Variants in SYNE2 observed in about 807,000 individuals in gnomAD.
The protein encoded by SYNE2 is spectrin repeat containing nuclear envelope protein 2.
SYNE2 carries 431 observed loss-of-function variants against 856.3 expected under a neutral mutation model. The observed-to-expected ratio is 0.50, with a 90% CI of 0.47 to 0.55. The LOEUF (loss-of-function observed/expected upper bound fraction) is 0.55. Ranked by LOEUF, SYNE2 falls within the 20% of genes least tolerant of loss-of-function variation. SYNE2 has a pLI of 0.00. For missense variants in SYNE2, 8,129 were observed against 8,023.2 expected, an observed-to-expected ratio of 1.01 and a Z score of -0.50; for synonymous variants, 2,923 against 2,872.3, an observed-to-expected ratio of 1.02 and a Z score of -0.56.
At position 64,215,282 on chromosome 14, in the gene SYNE2, T is replaced by C. The variant is rs779216420; in HGVS notation, c.19334-4T>C. The C allele has an allele frequency of 1.2e-6, 2 of 1,614,196 alleles. No homozygotes were observed. Among genetic ancestry groups the C allele is most frequent in the Non-Finnish European group, 1.7e-6 (2 of 1,180,020 alleles). On this transcript the variant is annotated splice_region_variant and splice_polypyrimidine_tract_variant and intron_variant, in intron 106 of 115. Coordinates refer to ENST00000555002, the MANE Select transcript of SYNE2 (RefSeq NM_182914.3). ...GTGAGGCAAATGACATTGTTCTTTT[T>C]CAGATGTAGAAATCCCTGAAAATCC...
intron 1 of SYNE2, among the ~76,000 whole-genome samples, chr14:63,835,825 A>G (rs1000441114): frequency 6.6e-6 from 1 of 152,034 alleles, no homozygotes; most frequent in Admixed American, 6.6e-5. Flanking sequence ...CTCTACTAAA[A>G]ATACGAAATT....
intron 2 of SYNE2, among the ~76,000 whole-genome samples, chr14:63,933,474 A>G (rs2095791749): frequency 6.6e-6 from 1 of 152,246 alleles, no homozygotes; most frequent in Non-Finnish European, 1.5e-5. Context: ...CTGAATCAGA[A>G]CAAACTCAGG....
At chr14:64,120,261 T>TAA (rs57343267) in intron 67 of SYNE2, among the ~76,000 whole-genome samples, 2 of 151,962 alleles carry the variant, frequency 1.3e-5, no homozygotes, top group African/African-American at 4.8e-5. Context: ...TCTCTCTTTT[T>TAA]AAAAAAAATG....
At chr14:64,067,676 G>A (rs74676724) in intron 51 of SYNE2, among the ~76,000 whole-genome samples, 6,199 of 152,174 alleles carry the variant, frequency 0.041, 441 homozygotes, top group African/African-American at 0.14. Context: ...ATGCCTGTTT[G>A]TAAGTTTACA....
At chr14:63,983,926 A>T (rs746038816) in intron 18 of SYNE2, 40 bp downstream of exon 18, 1 of 1,383,046 alleles carries the variant, frequency 7.2e-7, no homozygotes, top group Non-Finnish European at 1.0e-6. Context: ...TTGCAAATAG[A>T]AATAATTTAA....
chr14:63,980,458 T>C (rs2096577022), intron 14 of SYNE2, among the ~76,000 whole-genome samples, 196 bp from the exon 15 acceptor site: 1 of 152,216 alleles, frequency 6.6e-6, no homozygotes, highest in Non-Finnish European at 1.5e-5. Flanking sequence ...CAGACCTATT[T>C]AATGTTCACA....
intron 2 of SYNE2, among the ~76,000 whole-genome samples, chr14:63,925,946 T>G (rs2095659045): frequency 6.6e-6 from 1 of 152,092 alleles, no homozygotes; most frequent in Non-Finnish European, 1.5e-5. Context: ...CTCTGCCTCC[T>G]GGGCTCAAGC....
intron 97 of SYNE2, 102 bp from the exon 98 acceptor site, chr14:64,188,448 A>T: frequency 7.6e-7 from 1 of 1,318,836 alleles, no homozygotes; most frequent in Non-Finnish European, 1.1e-6. Context: ...GAGTGCGGAG[A>T]GCTACTGATT....
chr14:64,094,431 C>T lies in SYNE2; in HGVS notation c.12108+951C>T, dbSNP rs142238185. ...CCATCTGTTGCTAGGTTTTTTCAGT[C>T]TTTGTTTTTGAAGTAGCATTTCTAT... On this transcript the variant is annotated intron_variant, in intron 61 of 115. Transcript: ENST00000555002. Among the ~76,000 whole-genome samples, 10 of 152,254 alleles carry T rather than the reference C, an allele frequency of 6.6e-5. No homozygotes were observed. The East Asian group carries it at 1.7e-3, about 26-fold the overall frequency.
chr14:64,112,801 T>A (rs2097821943), intron 65 of SYNE2, among the ~76,000 whole-genome samples: 1 of 152,214 alleles, frequency 6.6e-6, no homozygotes, highest in Non-Finnish European at 1.5e-5. Context: ...AGATAAGTAA[T>A]ACCATGTATG....
chr14:64,153,830 C>CAT (rs1442499254), intron 85 of SYNE2, among the ~76,000 whole-genome samples: 5 of 152,004 alleles, frequency 3.3e-5, no homozygotes, highest in Admixed American at 2.6e-4. Flanking sequence ...TAAGGATAGA[C>CAT]ATATATATAC....
intron 1 of SYNE2, among the ~76,000 whole-genome samples, chr14:63,786,114 G>T (rs1367308329): frequency 1.3e-5 from 2 of 152,186 alleles, no homozygotes; most frequent in African/African-American, 4.8e-5. Context: ...GCTGGGCATG[G>T]TGGTGTGTGC....
chr14:64,193,544 G>A (rs548878368), intron 99 of SYNE2, among the ~76,000 whole-genome samples: 17 of 150,252 alleles, frequency 1.1e-4, no homozygotes, highest in African/African-American at 2.7e-4. Flanking sequence ...AGCGAACTCC[G>A]TCTCAAAAAA....
chr14:63,974,884 G>GTATATA (rs1261730365), intron 11 of SYNE2, among the ~76,000 whole-genome samples: 7 of 27,286 alleles, frequency 2.6e-4, no homozygotes, highest in East Asian at 1.3e-3. Flanking sequence ...GTGTGTGTGT[G>GTATATA]TGTGTGTGTA....
chr14:64,172,952 A>T (rs1384445540), intron 94 of SYNE2, among the ~76,000 whole-genome samples: 3 of 151,634 alleles, frequency 2.0e-5, no homozygotes, highest in Non-Finnish European at 2.9e-5. Flanking sequence ...AAAAAAGGTT[A>T]TCTTTGGAAT....
At chr14:63,902,631 ACT>A (rs1487678308) in intron 1 of SYNE2, among the ~76,000 whole-genome samples, 43 of 151,526 alleles carry the variant, frequency 2.8e-4, no homozygotes, top group Non-Finnish European at 1.9e-4. Context: ...GACCCGGGAG[ACT>A]CAATCTAGCC....
chr14:64,046,699 A>G (rs2097188839), intron 45 of SYNE2, among the ~76,000 whole-genome samples: 2 of 152,330 alleles, frequency 1.3e-5, no homozygotes, highest in East Asian at 3.9e-4. Flanking sequence ...CCCCTTCACC[A>G]GACTCATAAA....
intron 1 of SYNE2, among the ~76,000 whole-genome samples, chr14:63,900,834 A>G (rs1401058699): frequency 2.6e-5 from 4 of 152,362 alleles, no homozygotes; most frequent in African/African-American, 4.8e-5. Context: ...TGTTTCACCA[A>G]CTTTCTGCTG....
chr14:64,029,014 T>G (rs2153542703), intron 43 of SYNE2, among the ~76,000 whole-genome samples: 1 of 152,256 alleles, frequency 6.6e-6, no homozygotes, highest in Non-Finnish European at 1.5e-5. Flanking sequence ...CACGCGCCTG[T>G]AGTCCCACCT....
Sources: gnomAD v4.1 joint callset for allele counts (sites outside exome capture counted in the v4.1 genomes callset) on GRCh38, gnomAD v4.1.1 for gene constraint, MANE v1.5 for transcripts, NCBI Gene and HGNC (gene_info 2026-07-23, HGNC 2026-07-21) for gene names.